Variants in TMEM178B observed in about 807,000 individuals in gnomAD.
TMEM178B encodes the protein transmembrane protein 178B.
A neutral mutation model predicts 31.0 loss-of-function variants in TMEM178B; 5 were observed. That is an observed-to-expected ratio of 0.16 (90% CI 0.08 to 0.34). The LOEUF (loss-of-function observed/expected upper bound fraction) is 0.34. Ranked by LOEUF, TMEM178B falls within the 10% of genes least tolerant of loss-of-function variation. The pLI, the probability that TMEM178B is intolerant of heterozygous loss-of-function variation, is 1.00. For missense variants in TMEM178B, 275 were observed against 400.3 expected, an observed-to-expected ratio of 0.69 and a Z score of 2.67; for synonymous variants, 164 against 164.0, an observed-to-expected ratio of 1.00 and a Z score of 0.00.
intron 2 of TMEM178B, among the ~76,000 whole-genome samples, chr7:141,303,891 T>A (rs1798769085): frequency 6.6e-6 from 1 of 152,242 alleles, no homozygotes; most frequent in South Asian, 2.1e-4. Context: ...TTGCTCTATG[T>A]AATCCTTAAA....
intron 1 of TMEM178B, among the ~76,000 whole-genome samples, chr7:141,091,648 C>A (rs1794882565): frequency 6.6e-6 from 1 of 152,152 alleles, no homozygotes; most frequent in Non-Finnish European, 1.5e-5. Flanking sequence ...TTAGGAATAA[C>A]AACAAGAATA....
intron 2 of TMEM178B, among the ~76,000 whole-genome samples, chr7:141,332,035 A>T (rs953469297): frequency 2.0e-5 from 3 of 152,102 alleles, no homozygotes; most frequent in Admixed American, 2.0e-4. Flanking sequence ...CCCTCCAGTG[A>T]GTGAGGAGAT....
chr7:141,344,719 C>T lies in TMEM178B; in HGVS notation c.497-92889C>T, dbSNP rs908237986. ...ATGGACACAGAAGGTACAGCACCCC[C>T]CAACACACACACACCAGGCCCCTAG... On this transcript the variant is annotated intron_variant, in intron 2 of 3. Transcript: ENST00000565468. This position sits in a 1 kb window ranked among gnomAD's most constrained non-coding sequence, Gnocchi z 4.1. Among the ~76,000 whole-genome samples the T allele has an allele frequency of 6.6e-6, 1 of 152,064 alleles. No individual in the cohort carries two copies. Among genetic ancestry groups the T allele is most frequent in the East Asian group, 1.9e-4 (1 of 5,186 alleles).
intron 1 of TMEM178B, among the ~76,000 whole-genome samples, chr7:141,093,926 G>T (rs1015176966): frequency 6.6e-6 from 1 of 152,000 alleles, no homozygotes. Flanking sequence ...AATTGGAGAC[G>T]GTGAGCAAAG....
intron 2 of TMEM178B, among the ~76,000 whole-genome samples, chr7:141,404,803 T>G (rs914821235): frequency 6.6e-6 from 1 of 152,184 alleles, no homozygotes; most frequent in South Asian, 2.1e-4. Flanking sequence ...TCAGAGAAGT[T>G]TCCTGCCTTT....
intron 2 of TMEM178B, among the ~76,000 whole-genome samples, chr7:141,345,004 T>C (rs1378054106): frequency 6.6e-6 from 1 of 152,228 alleles, no homozygotes; most frequent in African/African-American, 2.4e-5. Context: ...GTTCTACTTT[T>C]ATGAAGAGAT....
rs145180615 is a variant in TMEM178B, at chr7:141,271,590, A to G, written c.496+58886A>G. On this transcript the variant is annotated intron_variant, in intron 2 of 3. Transcript: ENST00000565468. Reference sequence around the variant, plus strand: ...TTCATGAAAGGCACCATGGAGCTTCATGACCCATTTCCTCTCTCTGGTCAT... The same window carrying G: ...TTCATGAAAGGCACCATGGAGCTTCGTGACCCATTTCCTCTCTCTGGTCAT... Among the ~76,000 whole-genome samples, 19 of 152,320 alleles carry G rather than the reference A, an allele frequency of 1.2e-4. No individual in the cohort carries two copies. The East Asian group carries it at 1.5e-3, about 12-fold the overall frequency.
chr7:141,232,284 T>G (rs1797460918), intron 2 of TMEM178B, among the ~76,000 whole-genome samples: 1 of 152,236 alleles, frequency 6.6e-6, no homozygotes, highest in Non-Finnish European at 1.5e-5. Flanking sequence ...CATGCATGTA[T>G]CCTTATAATA....
At chr7:141,334,297 T>C (rs75768321) in intron 2 of TMEM178B, among the ~76,000 whole-genome samples, 12 of 152,334 alleles carry the variant, frequency 7.9e-5, no homozygotes, top group Non-Finnish European at 1.6e-4. Flanking sequence ...AGTTACATAA[T>C]GTATGTGGGC....
rs961933391 is a variant in TMEM178B, at chr7:141,478,781, C to T, written c.*7995C>T. On this transcript the variant is annotated 3_prime_UTR_variant, in exon 4 of 4. Coordinates refer to ENST00000565468, the MANE Select transcript of TMEM178B (RefSeq NM_001195278.2). ...CTATTTCCAGTGTTCAATAGCCACA[C>T]CTGACTACTGGTTGCTGTATAGGAC... The T allele has an allele frequency of 6.6e-6, 1 of 152,172 alleles. No homozygotes were observed. The highest frequency in any genetic ancestry group is 1.5e-5 in the Non-Finnish European group (1 of 68,042). 9.4% of individuals were successfully genotyped at this position (152,172 alleles called of 1,614,324 possible). A position where few individuals can be genotyped will look rare whatever the true frequency, so the allele number is the denominator to read the frequency against.
At chr7:141,432,136 T>G (rs1037865628) in intron 2 of TMEM178B, among the ~76,000 whole-genome samples, 2 of 147,216 alleles carry the variant, frequency 1.4e-5, no homozygotes, top group East Asian at 4.2e-4. Context: ...TTTTCTCTCC[T>G]TCACTGCATC....
chr7:141,152,705 T>G (rs1026703646), intron 1 of TMEM178B, among the ~76,000 whole-genome samples: 2 of 152,226 alleles, frequency 1.3e-5, no homozygotes, highest in Admixed American at 1.3e-4. Flanking sequence ...CCCGAGGGGC[T>G]GCTTCTCCCC....
In TMEM178B at chr7:141,157,429, ACACACACACACACG is replaced by A. The variant is rs956776915; in HGVS notation, c.383-55150_383-55137del. Among the ~76,000 whole-genome samples the A allele has an allele frequency of 1.5e-4, 21 of 136,380 alleles. 1 individual carries two copies. Among genetic ancestry groups the A allele is most frequent in the African/African-American group, 6.2e-4 (17 of 27,378 alleles). 89.5% of individuals were successfully genotyped at this position (136,380 alleles called of 152,430 possible). A position where few individuals can be genotyped will look rare whatever the true frequency, so the allele number is the denominator to read the frequency against. ...CTCTTTCCTACTCCTGCGCGCGTGC[ACACACACACACACG>A]CACACACACACGCACACCAGCCAAC... On this transcript the variant is annotated intron_variant, in intron 1 of 3. Coordinates refer to ENST00000565468, the MANE Select transcript of TMEM178B (RefSeq NM_001195278.2).
At chr7:141,273,924 A>G (rs574109877) in intron 2 of TMEM178B, among the ~76,000 whole-genome samples, 24 of 152,010 alleles carry the variant, frequency 1.6e-4, no homozygotes, top group Non-Finnish European at 3.1e-4. Context: ...TACATCTCCT[A>G]CTCCTAGGTT....
At chr7:141,094,356 T>C (rs1460841329) in intron 1 of TMEM178B, among the ~76,000 whole-genome samples, 1 of 152,248 alleles carries the variant, frequency 6.6e-6, no homozygotes, top group Non-Finnish European at 1.5e-5. Context: ...AGAGTTTCTA[T>C]AGTACTTTAG....
intron 2 of TMEM178B, among the ~76,000 whole-genome samples, chr7:141,350,382 C>A (rs1799699591): frequency 6.6e-6 from 1 of 152,046 alleles, no homozygotes; most frequent in African/African-American, 2.4e-5. Context: ...TTTATCTTCC[C>A]CCACTAGAAT....
At chr7:141,212,835 C>A in intron 2 of TMEM178B, 131 bp downstream of exon 2, 1 of 697,414 alleles carries the variant, frequency 1.4e-6, no homozygotes, top group Non-Finnish European at 2.3e-6. Flanking sequence ...CCATAAAGTG[C>A]CAATATCTTT....
At chr7:141,319,534 T>C (rs1325178175) in intron 2 of TMEM178B, among the ~76,000 whole-genome samples, 1 of 152,076 alleles carries the variant, frequency 6.6e-6, no homozygotes, top group Non-Finnish European at 1.5e-5. Context: ...TGTGCCAAAG[T>C]GTTTGTATTC....
At chr7:141,289,442 G>A (rs549389449) in intron 2 of TMEM178B, among the ~76,000 whole-genome samples, 35 of 152,170 alleles carry the variant, frequency 2.3e-4, no homozygotes, top group Non-Finnish European at 4.9e-4. Context: ...GCGGCTGGGT[G>A]TGGTGGTTCA....
Sources: allele counts gnomAD v4.1 joint callset (sites outside exome capture counted in the v4.1 genomes callset), GRCh38; gene constraint gnomAD v4.1.1; non-coding constraint Gnocchi (gnomAD v3.1); transcripts MANE v1.5; gene names NCBI Gene and HGNC (gene_info 2026-07-23, HGNC 2026-07-21).